Variants in ZBTB20 observed in about 807,000 individuals in gnomAD.
ZBTB20 encodes zinc finger and BTB domain-containing protein 20.
In ZBTB20, 9 loss-of-function variants were observed where a neutral mutation model predicts 56.9. That is an observed-to-expected ratio of 0.16 (90% CI 0.10 to 0.28). The LOEUF is 0.28. ZBTB20 is among the 10% of genes least tolerant of loss of function. ZBTB20 has a pLI of 1.00. For synonymous variants in ZBTB20, 417 were observed against 420.7 expected (o/e 0.99, Z 0.11); for missense variants, 655 against 1,003.0 (o/e 0.65, Z 4.69).
chr3:114,390,964 A>G (rs966777183), intron 7 of ZBTB20, among the ~76,000 whole-genome samples: 1 of 149,918 alleles, frequency 6.7e-6, no homozygotes, highest in Non-Finnish European at 1.5e-5. Context: ...GTGGGCCTAC[A>G]GCTGGGGAGT....
At chr3:114,978,773 G>T (rs887547623) in intron 2 of ZBTB20, among the ~76,000 whole-genome samples, 3 of 151,582 alleles carry the variant, frequency 2.0e-5, no homozygotes, top group African/African-American at 4.8e-5. Flanking sequence ...GATTATGACA[G>T]TTTTTTTCTT....
chr3:114,938,661 G>A (rs2076629183), intron 3 of ZBTB20, among the ~76,000 whole-genome samples: 4 of 145,262 alleles, frequency 2.8e-5, no homozygotes, highest in Admixed American at 2.6e-4. Context: ...ATCACACATT[G>A]GGGCCTGTCG....
At chr3:114,482,333 T>C (rs2041648587) in intron 7 of ZBTB20, among the ~76,000 whole-genome samples, 1 of 152,018 alleles carries the variant, frequency 6.6e-6, no homozygotes, top group Non-Finnish European at 1.5e-5. Context: ...CCATAGTGAG[T>C]AGACTGTATC....
chr3:114,641,852 A>T (rs547390842), intron 6 of ZBTB20, among the ~76,000 whole-genome samples: 4 of 151,888 alleles, frequency 2.6e-5, no homozygotes, highest in Admixed American at 6.6e-5. Flanking sequence ...TTTATTTTTT[A>T]AAAAAAGACT....
In ZBTB20 at chr3:115,085,268, C is replaced by T. The variant is rs543403334; in HGVS notation, c.-702-13854G>A. Among the ~76,000 whole-genome samples, 156 of 152,014 alleles carry T rather than the reference C, an allele frequency of 1.0e-3. 2 individuals carry two copies. Among genetic ancestry groups the T allele is most frequent in the East Asian group, 1.9e-4 (1 of 5,164 alleles). ...TGCTCATGAAATAAAGCACTAATTG[C>T]GTGGCCTAACAACACTGAATCCTCT... On this transcript the variant is annotated intron_variant, in intron 1 of 11. Coordinates refer to ENST00000675478, the MANE Select transcript of ZBTB20 (RefSeq NM_001348800.3).
intron 5 of ZBTB20, among the ~76,000 whole-genome samples, chr3:114,796,167 G>A (rs2071329678): frequency 6.6e-6 from 1 of 151,934 alleles, no homozygotes; most frequent in Admixed American, 6.6e-5. Context: ...TTGATAGTTA[G>A]GGGAGAGTGG....
rs116149038 is a variant in ZBTB20, at chr3:114,336,860, A to G, written c.*2145T>C. 6.6e-4 allele frequency: 100 copies of G among 152,314 alleles called. No individual in the cohort carries two copies. Among genetic ancestry groups the G allele is most frequent in the African/African-American group, 2.4e-3 (99 of 41,576 alleles). 9.4% of individuals were successfully genotyped at this position (152,314 alleles called of 1,614,324 possible). The stretch of plus-strand genomic sequence containing the variant: ...GTTTGGTGTTTTGCTTTGTTTAAAG[A>G]TTTGCTTTCCCCTAAGTATGTTAAA... On this transcript the variant is annotated 3_prime_UTR_variant, in exon 12 of 12. Coordinates refer to ENST00000675478, the MANE Select transcript of ZBTB20 (RefSeq NM_001348800.3).
At chr3:114,784,126 T>C (rs905902658) in intron 5 of ZBTB20, among the ~76,000 whole-genome samples, 1 of 152,240 alleles carries the variant, frequency 6.6e-6, no homozygotes, top group African/African-American at 2.4e-5. Context: ...TCTAGATTTT[T>C]TAAAGCAGAA....
rs1194554415 is a variant in ZBTB20 at position 114,792,050 on chromosome 3, C to T, written c.-343+9051G>A. 5 of 152,194 alleles carry T rather than the reference C, an allele frequency of 3.3e-5. No individual in the cohort carries two copies. In the South Asian group the frequency reaches 8.3e-4, roughly 25 times the overall value. The allele number at this position is 152,194 out of a possible 1,614,324, so 9.4% of individuals were successfully genotyped here. A position where few individuals can be genotyped will look rare whatever the true frequency, so the allele number is the denominator to read the frequency against. On this transcript the variant is annotated intron_variant, in intron 5 of 11. Coordinates refer to ENST00000675478, the MANE Select transcript of ZBTB20 (RefSeq NM_001348800.3). ...AACACTCTTTATTGTTCCTGAGAAACGTGTGCCCAATTCCCTAGAAATTTA... is the reference window on the plus strand; with the variant it reads ...AACACTCTTTATTGTTCCTGAGAAATGTGTGCCCAATTCCCTAGAAATTTA...
intron 4 of ZBTB20, among the ~76,000 whole-genome samples, chr3:114,829,136 T>C (rs1355549956): frequency 6.6e-6 from 1 of 151,796 alleles, no homozygotes; most frequent in Non-Finnish European, 1.5e-5. Flanking sequence ...AAGTATCCTA[T>C]CTGATGTATG....
intron 11 of ZBTB20, among the ~76,000 whole-genome samples, chr3:114,349,125 G>A (rs770274477): frequency 3.3e-5 from 5 of 151,076 alleles, no homozygotes; most frequent in African/African-American, 9.7e-5. Context: ...GCTTCAGTCC[G>A]GGAGGTTGAG....
intron 2 of ZBTB20, among the ~76,000 whole-genome samples, chr3:114,993,820 T>G (rs116745663): frequency 0.022 from 3,320 of 151,772 alleles, 121 homozygotes; most frequent in African/African-American, 0.076. Context: ...ATACGTAAAA[T>G]TAATTAGTTT....
chr3:114,751,512 T>C (rs2067554357), intron 5 of ZBTB20, among the ~76,000 whole-genome samples: 1 of 152,158 alleles, frequency 6.6e-6, no homozygotes. Flanking sequence ...TAGTTATCTT[T>C]GTTTGCTATT....
At chr3:115,112,219 G>A (rs920492808) in intron 1 of ZBTB20, among the ~76,000 whole-genome samples, 2 of 152,000 alleles carry the variant, frequency 1.3e-5, no homozygotes, top group African/African-American at 4.8e-5. Flanking sequence ...TGGGGTATAT[G>A]TGATATTTTG....
At chr3:114,650,099 C>T (rs2060049739) in intron 6 of ZBTB20, among the ~76,000 whole-genome samples, 1 of 151,802 alleles carries the variant, frequency 6.6e-6, no homozygotes, top group Non-Finnish European at 1.5e-5. Flanking sequence ...CTGAATAGAT[C>T]CTTTCATGTT....
At chr3:115,018,433 T>A (rs1372389841) in intron 2 of ZBTB20, among the ~76,000 whole-genome samples, 1 of 151,536 alleles carries the variant, frequency 6.6e-6, no homozygotes, top group Non-Finnish European at 1.5e-5. Flanking sequence ...CTTAATTTTT[T>A]AAATATGATT....
rs575834464 is a variant in ZBTB20 at position 114,534,484 on chromosome 3, T to C, written c.-294-34093A>G. ...CCTAATACAGGAGCACCCAGATTCA[T>C]AAAGCGAGTTCTTAGAGACCTACAA... On this transcript the variant is annotated intron_variant, in intron 6 of 11. Coordinates refer to ENST00000675478, the MANE Select transcript of ZBTB20 (RefSeq NM_001348800.3). 5.3e-5 allele frequency among the ~76,000 whole-genome samples: 8 copies of C among 152,292 alleles called. No homozygotes were observed. In the East Asian group the frequency reaches 1.5e-3, roughly 29 times the overall value.
At chr3:114,715,405 G>A (rs752061695) in intron 5 of ZBTB20, among the ~76,000 whole-genome samples, 3 of 152,150 alleles carry the variant, frequency 2.0e-5, no homozygotes, top group Non-Finnish European at 4.4e-5. Context: ...GTATGTGCAC[G>A]CTCCTTCACA....
At chr3:114,832,914 C>G (rs1051454326) in intron 4 of ZBTB20, among the ~76,000 whole-genome samples, 15 of 152,248 alleles carry the variant, frequency 9.9e-5, no homozygotes, top group Admixed American at 9.2e-4. Context: ...AATTTCATAA[C>G]AGTAACACGG....
Sources: gnomAD v4.1 joint callset for allele counts (sites outside exome capture counted in the v4.1 genomes callset) on GRCh38, gnomAD v4.1.1 for gene constraint, MANE v1.5 for transcripts, NCBI Gene and HGNC (gene_info 2026-07-23, HGNC 2026-07-21) for gene names.